The following USP24 variants were observed in gnomAD, a reference collection of about 807,000 sequenced individuals.
USP24 encodes the protein ubiquitin specific peptidase 24.
Under a neutral mutation model 361.6 loss-of-function variants are expected in USP24, and 97 were observed. The ratio of observed to expected loss-of-function variants is 0.27; its 90% confidence interval spans 0.23 to 0.32. The LOEUF (loss-of-function observed/expected upper bound fraction) is 0.32, where lower values mean the gene tolerates loss of function less well. Among genes scored for constraint, USP24 ranks in the 10% least tolerant of loss-of-function variants. The pLI, the probability that USP24 is intolerant of heterozygous loss-of-function variation, is 1.00. For synonymous variants in USP24, 1,098 were observed against 1,124.6 expected (o/e 0.98, Z 0.47); for missense variants, 2,353 against 3,165.6 (o/e 0.74, Z 6.16).
intron 1 of USP24, among the ~76,000 whole-genome samples, chr1:55,196,900 G>C (rs538940849): frequency 4.7e-4 from 72 of 152,182 alleles, no homozygotes; most frequent in Non-Finnish European, 9.7e-4. Flanking sequence ...GCTGCTACCC[G>C]GTGTTTTTGC....
At position 55,142,801 on chromosome 1, in the gene USP24, A is replaced by G. The variant is rs1646925883; in HGVS notation, c.2581-6T>C. 1 of 1,536,594 alleles carries G rather than the reference A, an allele frequency of 6.5e-7. No individual in the cohort carries two copies. Among genetic ancestry groups the G allele is most frequent in the East Asian group, 2.3e-5 (1 of 42,660 alleles). ...TTATGTAAAGATACTGAATCCTGAA[A>G]GAGTATATGGAAATTACAATTAGTC... is the stretch of plus-strand genomic sequence containing the variant. On this transcript the variant is annotated splice_polypyrimidine_tract_variant and splice_region_variant and intron_variant, in intron 22 of 67. Coordinates refer to ENST00000294383, the MANE Select transcript of USP24 (RefSeq NM_015306.3).
At chr1:55,097,563 T>C (rs199707141) in intron 48 of USP24, 35 bp downstream of exon 48, 3 of 1,525,138 alleles carry the variant, frequency 2.0e-6, no homozygotes, top group Non-Finnish European at 2.6e-6. Flanking sequence ...AGGAAATGAA[T>C]GGTTGTGAAA....
chr1:55,089,781 C>A (rs376199056), intron 54 of USP24, 41 bp from the exon 55 acceptor site: 3 of 1,420,294 alleles, frequency 2.1e-6, no homozygotes, highest in Non-Finnish European at 1.9e-6. Context: ...GGAGCATAAG[C>A]CCAGCCAATG....
chr1:55,077,653 T>C (rs1645058290), intron 61 of USP24, among the ~76,000 whole-genome samples: 1 of 152,214 alleles, frequency 6.6e-6, no homozygotes, highest in African/African-American at 2.4e-5. Flanking sequence ...CAAATGGGAA[T>C]ACTCTGAGTT....
At chr1:55,143,767 C>CT (rs2100697884) in intron 21 of USP24, among the ~76,000 whole-genome samples, 1 of 152,156 alleles carries the variant, frequency 6.6e-6, no homozygotes, top group South Asian at 2.1e-4. Flanking sequence ...ACTGTTCTTG[C>CT]TTTTTTAGGT....
At chr1:55,083,417 G>A in intron 57 of USP24, 53 bp from the exon 58 acceptor site, 2 of 1,575,918 alleles carry the variant, frequency 1.3e-6, no homozygotes, top group East Asian at 2.3e-5. Flanking sequence ...GACAAAAATT[G>A]GTTTTAAAAA....
intron 1 of USP24, among the ~76,000 whole-genome samples, chr1:55,190,097 G>C (rs1377415746): frequency 6.7e-6 from 1 of 149,084 alleles, no homozygotes; most frequent in Non-Finnish European, 1.5e-5. Flanking sequence ...CCCAGGAGGC[G>C]GAGGTTGCGG....
chr1:55,094,234 T>C, intron 51 of USP24, 147 bp from the exon 52 acceptor site: 1 of 757,586 alleles, frequency 1.3e-6, no homozygotes, highest in Non-Finnish European at 2.0e-6. Context: ...CACATAAATA[T>C]ATACAATCAT....
intron 1 of USP24, among the ~76,000 whole-genome samples, chr1:55,178,390 C>A (rs906707694): frequency 6.6e-6 from 1 of 152,150 alleles, no homozygotes; most frequent in African/African-American, 2.4e-5. Context: ...CTGTCCAGGC[C>A]GGGCGCAGTG....
chr1:55,209,139 T>C (rs1199807071), intron 1 of USP24, among the ~76,000 whole-genome samples: 1 of 151,824 alleles, frequency 6.6e-6, no homozygotes, highest in Non-Finnish European at 1.5e-5. Flanking sequence ...AAACATTTAC[T>C]CTTTTGAAAA....
chr1:55,196,679 G>C (rs1404036274), intron 1 of USP24, among the ~76,000 whole-genome samples: 1 of 152,160 alleles, frequency 6.6e-6, no homozygotes, highest in African/African-American at 2.4e-5. Context: ...TGTTTAATAG[G>C]CATCTAAAAT....
chr1:55,137,865 T>A lies in USP24; in HGVS notation c.2968A>T (p.Ile990Leu), dbSNP rs748619403. Residue 990 changes from isoleucine to leucine, a missense_variant, in exon 27 of 68, where the codon ATA (isoleucine) becomes TTA (leucine). This residue lies in a region of USP24 where 949 missense variants were observed against 1,280.5 expected (regional missense o/e 0.74). Transcript: ENST00000294383. ...NETIGSVRWKIAKQLCSPVDN... is the reference protein window; with the variant it reads ...NETIGSVRWKLAKQLCSPVDN... ...ACAGGAGAGCACAACTGCTTGGCTA[T>A]TTTCCACCGGACACTCCCTATGGTT... is the stretch of plus-strand genomic sequence containing the variant. 1 of 1,596,714 alleles carries A rather than the reference T, an allele frequency of 6.3e-7. No homozygotes were observed. Among genetic ancestry groups the A allele is most frequent in the South Asian group, 1.1e-5 (1 of 88,554 alleles).
intron 10 of USP24, among the ~76,000 whole-genome samples, chr1:55,157,856 A>G (rs1305236854): frequency 2.0e-5 from 3 of 151,464 alleles, no homozygotes; most frequent in Non-Finnish European, 4.4e-5. Context: ...AAAAAAGAAC[A>G]TGGAGTCATT....
chr1:55,098,985 G>A (rs768649318), intron 45 of USP24, among the ~76,000 whole-genome samples: 7 of 152,214 alleles, frequency 4.6e-5, no homozygotes, highest in Non-Finnish European at 8.8e-5. Flanking sequence ...AGGCAATACC[G>A]TTTAGGAAGT....
At position 55,165,882 on chromosome 1, in the gene USP24, T is replaced by A; in HGVS notation, c.927+3A>T. The A allele has an allele frequency of 6.3e-7, 1 of 1,595,830 alleles. No individual in the cohort carries two copies. Among genetic ancestry groups the A allele is most frequent in the Non-Finnish European group, 8.6e-7 (1 of 1,169,312 alleles). Reference sequence around the variant, plus strand: ...AGTGAGCATATACAGTAGTTTAACTTACCCCAAGTTCTATATCTTCTGAAT... The same window carrying A: ...AGTGAGCATATACAGTAGTTTAACTAACCCCAAGTTCTATATCTTCTGAAT... On this transcript the variant is annotated splice_donor_region_variant and intron_variant, in intron 7 of 67. Coordinates refer to ENST00000294383, the MANE Select transcript of USP24 (RefSeq NM_015306.3).
Position 55,067,681 on chromosome 1 carries a change from C to G in USP24, c.*1364G>C, listed in dbSNP as rs1197524638. 6.6e-6 allele frequency: 1 copy of G among 152,190 alleles called. No homozygotes were observed. The highest frequency in any genetic ancestry group is 1.5e-5 in the Non-Finnish European group (1 of 68,040). 9.4% of individuals were successfully genotyped at this position (152,190 alleles called of 1,614,324 possible). ...GACTTGGCAAATCTGACAGTGAAAA[C>G]CTGGCACTTCCTAAGGCTCCCTAGT... is the stretch of plus-strand genomic sequence containing the variant. On this transcript the variant is annotated 3_prime_UTR_variant, in exon 68 of 68. Transcript: ENST00000294383.
At chr1:55,195,526 G>A (rs941668241) in intron 1 of USP24, among the ~76,000 whole-genome samples, 6 of 152,138 alleles carry the variant, frequency 3.9e-5, no homozygotes, top group African/African-American at 1.2e-4. Flanking sequence ...GTCTTTCAGG[G>A]AAAAAGACAA....
chr1:55,097,998 C>G lies in USP24; in HGVS notation c.5540G>C (p.Arg1847Thr). 6.2e-7 allele frequency: 1 copy of G among 1,613,634 alleles called. No individual in the cohort carries two copies. Among genetic ancestry groups the G allele is most frequent in the Non-Finnish European group, 8.5e-7 (1 of 1,179,742 alleles). The change falls in exon 47 of 68, where the codon AGA (arginine) becomes ACA (threonine). Residue 1847 changes from arginine to threonine, a missense_variant. Transcript: ENST00000294383. ...SLEISLDQFV[R>T]GEVLEGSNAY... Reference sequence around the variant, plus strand: ...ATTACTTCCTTCTAGAACTTCTCCTCTAACAAATTGGTCCAAAGAAATTTC... The same window carrying G: ...ATTACTTCCTTCTAGAACTTCTCCTGTAACAAATTGGTCCAAAGAAATTTC...
At chr1:55,071,406 A>G (rs550621719) in intron 67 of USP24, 3 of 999,690 alleles carry the variant, frequency 3.0e-6, no homozygotes, top group Non-Finnish European at 3.6e-6. Context: ...GCAAGCAGGT[A>G]TACTTCAAGA....
Sources: gnomAD v4.1 joint callset for allele counts (sites outside exome capture counted in the v4.1 genomes callset) on GRCh38, gnomAD v4.1.1 for gene constraint, gnomAD v4.1.1 regional missense constraint, MANE v1.5 for transcripts, NCBI Gene and HGNC (gene_info 2026-07-23, HGNC 2026-07-21) for gene names.